AHCYL1: variants seen among roughly 807,000 people sequenced by gnomAD.
AHCYL1 encodes the protein adenosylhomocysteinase like 1, also known as S-adenosylhomocysteine hydrolase-like protein 1.
AHCYL1 carries 20 observed loss-of-function variants against 79.3 expected under a neutral mutation model. The observed-to-expected ratio is 0.25, with a 90% CI of 0.18 to 0.37. The LOEUF is 0.37. Among genes scored for constraint, AHCYL1 ranks in the 10% least tolerant of loss-of-function variants. The pLI is 1.00. For synonymous variants in AHCYL1, 223 were observed against 242.2 expected, an observed-to-expected ratio of 0.92 and a Z score of 0.74; for missense variants, 330 against 673.6, an observed-to-expected ratio of 0.49 and a Z score of 5.65.
chr1:110,016,011 T>C (rs1557774146), intron 7 of AHCYL1, among the ~76,000 whole-genome samples: 1 of 152,312 alleles, frequency 6.6e-6, no homozygotes, highest in East Asian at 1.9e-4. Context: ...ATCAGAATCA[T>C]TGATAGTCTT....
chr1:110,010,530 T>C (rs1193519053), intron 2 of AHCYL1, among the ~76,000 whole-genome samples: 2 of 152,268 alleles, frequency 1.3e-5, no homozygotes, highest in Non-Finnish European at 2.9e-5. Flanking sequence ...TTCCCAGGGC[T>C]ATCAGTAGAA....
chr1:110,003,066 A>G (rs1043222529), intron 1 of AHCYL1, among the ~76,000 whole-genome samples: 8 of 152,286 alleles, frequency 5.3e-5, no homozygotes, highest in African/African-American at 1.9e-4. Context: ...GCATTTAATG[A>G]ACCTTGAATC....
At chr1:110,018,071 CTGAGTGACT>C in intron 11 of AHCYL1, 55 bp downstream of exon 11, 1 of 1,563,764 alleles carries the variant, frequency 6.4e-7, no homozygotes, top group East Asian at 2.2e-5. Flanking sequence ...TGAAAGTAGT[CTGAGTGACT>C]TTCATACAAA....
chr1:110,001,344 G>T (rs1435710402), intron 1 of AHCYL1, among the ~76,000 whole-genome samples: 1 of 152,122 alleles, frequency 6.6e-6, no homozygotes, highest in Admixed American at 6.5e-5. Context: ...ACGCCACCAT[G>T]CCCGGCTAAT....
In AHCYL1 at chr1:110,022,844, A is replaced by T. The variant is rs1385225293; in HGVS notation, c.*1164A>T. 6.6e-6 allele frequency: 1 copy of T among 152,434 alleles called. No individual in the cohort carries two copies. Among genetic ancestry groups the T allele is most frequent in the Admixed American group, 6.5e-5 (1 of 15,282 alleles). The allele number at this position is 152,434 out of a possible 1,614,324, so 9.4% of individuals were successfully genotyped here. On this transcript the variant is annotated 3_prime_UTR_variant, in exon 17 of 17. Transcript: ENST00000369799. Reference sequence around the variant, plus strand: ...ACACCCTATATAATGTTAGTTTTACAGAAGTAATATGACTTTTGATTGCTA... The same window carrying T: ...ACACCCTATATAATGTTAGTTTTACTGAAGTAATATGACTTTTGATTGCTA...
At chr1:110,016,106 T>C (rs1338987090) in intron 7 of AHCYL1, among the ~76,000 whole-genome samples, 1 of 152,156 alleles carries the variant, frequency 6.6e-6, no homozygotes, top group Non-Finnish European at 1.5e-5. Context: ...GAGAAGTACA[T>C]TTCTTCAATT....
intron 1 of AHCYL1, chr1:109,985,400 A>G (rs1050742241): frequency 7.9e-7 from 1 of 1,270,476 alleles, no homozygotes; most frequent in Non-Finnish European, 1.0e-6. Context: ...TCGTTTTGAA[A>G]CCCGACAGGG....
Position 110,018,422 on chromosome 1 carries a change from T to A in AHCYL1, c.1173T>A (p.Ser391Arg). The change falls in exon 12 of 17, where the codon AGT (serine) becomes AGA (arginine). Residue 391 changes from serine (S) to arginine (R), a missense_variant. Physicochemically the swap from Ser to Arg is moderately radical, Grantham distance 110 (BLOSUM62 -1). Transcript: ENST00000369799. The stretch of plus-strand genomic sequence containing the variant: ...AGCACTTGGATCGCATGAAAAACAG[T>A]TGTATCGTATGCAATATGGGCCACT... ...TREHLDRMKN[S>R]CIVCNMGHSN... is the part of the protein sequence containing the mutation. 6.2e-7 allele frequency: 1 copy of A among 1,614,186 alleles called. No individual in the cohort carries two copies. Among genetic ancestry groups the A allele is most frequent in the Non-Finnish European group, 8.5e-7 (1 of 1,180,026 alleles).
rs141193737 is a variant in AHCYL1 at position 109,995,729 on chromosome 1, G to A, written c.120+10557G>A. ...TATCAGTCACATAGAGGGTTTTTTC[G>A]CAATAACTCATTACCTGGCTCTAAA... On this transcript the variant is annotated intron_variant, in intron 1 of 16. Coordinates refer to ENST00000369799, the MANE Select transcript of AHCYL1 (RefSeq NM_006621.7). 5.3e-4 allele frequency: 520 copies of A among 978,550 alleles called. No homozygotes were observed. In the African/African-American group the frequency reaches 8.1e-3, roughly 15 times the overall value. The allele number at this position is 978,550 out of a possible 1,614,324, so 60.6% of individuals were successfully genotyped here. A position where few individuals can be genotyped will look rare whatever the true frequency, so the allele number is the denominator to read the frequency against.
At chr1:110,014,695 T>C in intron 5 of AHCYL1, 68 bp from the exon 6 acceptor site, 5 of 1,222,438 alleles carry the variant, frequency 4.1e-6, no homozygotes, top group Non-Finnish European at 5.9e-6. Context: ...CACATGGATC[T>C]CAGAAAGTGA....
chr1:110,010,264 T>C (rs760679247), intron 2 of AHCYL1, among the ~76,000 whole-genome samples: 4 of 152,184 alleles, frequency 2.6e-5, no homozygotes, highest in Non-Finnish European at 5.9e-5. Context: ...TAAAATGTCA[T>C]AGTGGGGAAG....
At chr1:110,005,368 G>A (rs1177613179) in intron 1 of AHCYL1, among the ~76,000 whole-genome samples, 1 of 152,210 alleles carries the variant, frequency 6.6e-6, no homozygotes, top group African/African-American at 2.4e-5. Context: ...ATCCAGATAA[G>A]GCTGTGAAGA....
chr1:109,997,403 T>C (rs1401800599), intron 1 of AHCYL1, among the ~76,000 whole-genome samples: 1 of 152,122 alleles, frequency 6.6e-6, no homozygotes, highest in Non-Finnish European at 1.5e-5. Context: ...ACTCAGACAG[T>C]CAACTAAGCT....
chr1:109,989,620 C>T (rs1649651142), intron 1 of AHCYL1, among the ~76,000 whole-genome samples: 1 of 152,196 alleles, frequency 6.6e-6, no homozygotes, highest in Non-Finnish European at 1.5e-5. Flanking sequence ...TACTCTGCCA[C>T]TCCGAGTAGT....
chr1:109,992,253 A>G (rs1345379768), intron 1 of AHCYL1, among the ~76,000 whole-genome samples: 1 of 151,658 alleles, frequency 6.6e-6, no homozygotes, highest in Non-Finnish European at 1.5e-5. Context: ...CTAAAAACAC[A>G]AAAAAAATTA....
chr1:109,991,350 C>A (rs1302351803), intron 1 of AHCYL1, among the ~76,000 whole-genome samples: 4 of 152,184 alleles, frequency 2.6e-5, no homozygotes, highest in African/African-American at 7.2e-5. Flanking sequence ...CTGCTTCTTA[C>A]CATAAAAGCC....
chr1:109,995,218 G>C (rs1649967950), intron 1 of AHCYL1, among the ~76,000 whole-genome samples: 1 of 152,210 alleles, frequency 6.6e-6, no homozygotes, highest in Non-Finnish European at 1.5e-5. Flanking sequence ...ATAATTAGGA[G>C]GGGATGGTTG....
intron 15 of AHCYL1, 147 bp from the exon 16 acceptor site, chr1:110,020,584 A>T: frequency 8.7e-7 from 1 of 1,142,930 alleles, no homozygotes; most frequent in Non-Finnish European, 1.2e-6. Context: ...TTTTTTAATT[A>T]AGCAAATATT....
At chr1:110,018,740 A>G (rs1398257958) in intron 13 of AHCYL1, 90 bp downstream of exon 13, 7 of 1,185,250 alleles carry the variant, frequency 5.9e-6, no homozygotes, top group African/African-American at 1.5e-5. Flanking sequence ...TATTAGGCCT[A>G]TGTTTCCCTG....
Sources: gnomAD v4.1 joint callset for allele counts (sites outside exome capture counted in the v4.1 genomes callset) on GRCh38, gnomAD v4.1.1 for gene constraint, MANE v1.5 for transcripts, NCBI Gene and HGNC (gene_info 2026-07-23, HGNC 2026-07-21) for gene names.